Variants in RIT2 observed in about 807,000 individuals in gnomAD.
RIT2 encodes GTP-binding protein Rit2.
RIT2 carries 24 observed loss-of-function variants against 23.7 expected under a neutral mutation model. That is an observed-to-expected ratio of 1.01 (90% CI 0.73 to 1.43). The LOEUF (loss-of-function observed/expected upper bound fraction) is 1.43, where lower values mean the gene tolerates loss of function less well. RIT2 is among the 40% of genes most tolerant of loss of function. The pLI is 0.00. For missense variants in RIT2, 236 were observed against 266.9 expected (o/e 0.88, Z 0.81); for synonymous variants, 107 against 91.1 (o/e 1.17, Z -0.99).
intron 2 of RIT2, among the ~76,000 whole-genome samples, chr18:43,033,217 G>T (rs1174260924): frequency 6.6e-6 from 1 of 152,098 alleles, no homozygotes; most frequent in Non-Finnish European, 1.5e-5. Context: ...GAGAAAACTT[G>T]TTCCCCAATG....
intron 2 of RIT2, among the ~76,000 whole-genome samples, chr18:42,985,605 A>G (rs2144219887): frequency 6.6e-6 from 1 of 152,284 alleles, no homozygotes; most frequent in South Asian, 2.1e-4. Context: ...TTAATATTAC[A>G]GTTGGCATTT....
At chr18:43,003,942 C>T (rs1911167891) in intron 2 of RIT2, among the ~76,000 whole-genome samples, 1 of 151,518 alleles carries the variant, frequency 6.6e-6, no homozygotes, top group South Asian at 2.1e-4. Context: ...TCAATATGAC[C>T]TTCTGTGGCA....
chr18:42,779,794 C>T (rs1385208249), intron 4 of RIT2, among the ~76,000 whole-genome samples: 1 of 152,126 alleles, frequency 6.6e-6, no homozygotes, highest in African/African-American at 2.4e-5. Flanking sequence ...AAGTTAACAC[C>T]TGTGTGAACA....
intron 4 of RIT2, among the ~76,000 whole-genome samples, chr18:42,745,785 G>A (rs1197506730): frequency 2.0e-5 from 3 of 152,008 alleles, no homozygotes; most frequent in African/African-American, 4.8e-5. Flanking sequence ...ACTGTATAAC[G>A]TGGGTTACCA....
intron 1 of RIT2, among the ~76,000 whole-genome samples, chr18:43,114,505 A>C (rs367783502): frequency 6.6e-6 from 1 of 152,088 alleles, no homozygotes; most frequent in Non-Finnish European, 1.5e-5. Context: ...GTCCATGCTA[A>C]CTATAATATT....
chr18:43,078,155 G>A (rs188411147), intron 1 of RIT2, among the ~76,000 whole-genome samples: 2 of 152,252 alleles, frequency 1.3e-5, no homozygotes, highest in South Asian at 2.1e-4. Flanking sequence ...TGTGAGTAAT[G>A]ACATTGTCAG....
intron 4 of RIT2, among the ~76,000 whole-genome samples, chr18:42,915,066 G>C (rs1051321785): frequency 6.6e-6 from 1 of 151,308 alleles, no homozygotes. Context: ...CTGAGTATTT[G>C]TAGTTCAATC....
chr18:43,072,381 G>A (rs1912919164), intron 1 of RIT2, among the ~76,000 whole-genome samples: 2 of 152,102 alleles, frequency 1.3e-5, no homozygotes, highest in African/African-American at 4.8e-5. Flanking sequence ...ATTTGCTTAT[G>A]ACACTGTTGG....
chr18:43,036,691 A>C (rs527775046), intron 1 of RIT2, among the ~76,000 whole-genome samples: 3 of 152,176 alleles, frequency 2.0e-5, no homozygotes, highest in South Asian at 4.1e-4. Context: ...CTTCTGACCC[A>C]CCGCTGAGAC....
intron 1 of RIT2, among the ~76,000 whole-genome samples, chr18:43,058,283 G>A (rs1912557376): frequency 6.6e-6 from 1 of 152,080 alleles, no homozygotes; most frequent in East Asian, 1.9e-4. Context: ...GATCAAGTAA[G>A]TGACTAGCAT....
rs1909510286 is a variant in RIT2, at chr18:42,938,238, G to T, written c.235-14475C>A. Among the ~76,000 whole-genome samples, 4 of 152,204 alleles carry T rather than the reference G, an allele frequency of 2.6e-5. No homozygotes were observed. The South Asian group carries it at 8.3e-4, about 32-fold the overall frequency. ...GTGTGGCCAAGGGGATAAAATAATG[G>T]CATAAAACAAAAACAAGGGGCTTTC... On this transcript the variant is annotated intron_variant, in intron 3 of 4. Coordinates refer to ENST00000326695, the MANE Select transcript of RIT2 (RefSeq NM_002930.4).
intron 4 of RIT2, among the ~76,000 whole-genome samples, chr18:42,778,207 C>T (rs75346313): frequency 0.057 from 8,636 of 152,158 alleles, 309 homozygotes; most frequent in Middle Eastern, 0.099. Context: ...CTCCCTTCTG[C>T]AATCAGAACA....
intron 4 of RIT2, among the ~76,000 whole-genome samples, chr18:42,839,877 A>G (rs1329123665): frequency 6.6e-6 from 1 of 151,524 alleles, no homozygotes; most frequent in African/African-American, 2.4e-5. Context: ...ATTCCACTCT[A>G]TGTCAGACTT....
chr18:42,775,858 CATACACACACACACACACACACAG>C (rs1913657909), intron 4 of RIT2, among the ~76,000 whole-genome samples: 1 of 96,838 alleles, frequency 1.0e-5, no homozygotes, highest in Non-Finnish European at 2.8e-5. Context: ...AACACACACA[CATACACACACACACACACACACAG>C]AGATGTAAAT....
chr18:42,780,820 CT>C (rs750695978), intron 4 of RIT2, among the ~76,000 whole-genome samples: 951 of 131,072 alleles, frequency 7.3e-3, no homozygotes, highest in African/African-American at 6.8e-3. Flanking sequence ...GCTTTTCAGG[CT>C]TTTTTTTTTT....
At chr18:42,915,990 C>T (rs1206651136) in intron 4 of RIT2, among the ~76,000 whole-genome samples, 1 of 151,698 alleles carries the variant, frequency 6.6e-6, no homozygotes, top group Admixed American at 6.6e-5. Context: ...GCCTTTAAAA[C>T]ACTTGTAGGT....
chr18:42,837,670 G>A (rs1472882612), intron 4 of RIT2, among the ~76,000 whole-genome samples: 3 of 152,120 alleles, frequency 2.0e-5, no homozygotes, highest in Non-Finnish European at 2.9e-5. Flanking sequence ...CTACATGACA[G>A]GAAGATGAGC....
intron 4 of RIT2, among the ~76,000 whole-genome samples, chr18:42,806,889 G>A (rs1598661821): frequency 1.3e-5 from 2 of 152,196 alleles, no homozygotes; most frequent in African/African-American, 2.4e-5. Context: ...GAAAATTCAG[G>A]AGAGTAAATT....
At chr18:42,934,932 T>C (rs960181250) in intron 3 of RIT2, among the ~76,000 whole-genome samples, 1 of 152,058 alleles carries the variant, frequency 6.6e-6, no homozygotes, top group East Asian at 1.9e-4. Flanking sequence ...AACAAAATGA[T>C]GGTAACAGTA....
Sources: allele counts gnomAD v4.1 joint callset (sites outside exome capture counted in the v4.1 genomes callset), GRCh38; gene constraint gnomAD v4.1.1; transcripts MANE v1.5; gene names NCBI Gene and HGNC (gene_info 2026-07-23, HGNC 2026-07-21).